C1QTNF3: variants seen among roughly 807,000 people sequenced by gnomAD.
The protein encoded by C1QTNF3 is C1q and TNF related 3.
A neutral mutation model predicts 32.6 loss-of-function variants in C1QTNF3; 26 were observed. The observed-to-expected ratio is 0.80, with a 90% CI of 0.58 to 1.11. The LOEUF is 1.11. Ranked by LOEUF, C1QTNF3 falls within the 50% of genes least tolerant of loss-of-function variation. The pLI, the probability that C1QTNF3 is intolerant of heterozygous loss-of-function variation, is 0.00. For synonymous variants in C1QTNF3, 155 were observed against 146.0 expected, an observed-to-expected ratio of 1.06 and a Z score of -0.44; for missense variants, 362 against 398.2, an observed-to-expected ratio of 0.91 and a Z score of 0.77.
the C1QTNF3 span, among the ~76,000 whole-genome samples, chr5:34,142,847 C>A: frequency 2.0e-5 from 3 of 152,178 alleles, no homozygotes; most frequent in African/African-American, 7.2e-5. Context: ...AGAATCAGCA[C>A]AAGTACTCTG....
At chr5:34,218,014 G>C in the C1QTNF3 span, among the ~76,000 whole-genome samples, 1 of 150,656 alleles carries the variant, frequency 6.6e-6, no homozygotes, top group East Asian at 2.0e-4. Flanking sequence ...CATCAGAAAT[G>C]TACAGTTATG....
the C1QTNF3 span, among the ~76,000 whole-genome samples, chr5:34,171,393 G>C: frequency 6.6e-6 from 1 of 151,294 alleles, no homozygotes; most frequent in Non-Finnish European, 1.5e-5. Context: ...TATAAATTCT[G>C]AATTCCTGAA....
chr5:34,040,968 A>G (rs1233684887), intron 1 of C1QTNF3, among the ~76,000 whole-genome samples: 1 of 152,196 alleles, frequency 6.6e-6, no homozygotes, highest in Non-Finnish European at 1.5e-5. Context: ...ACTTAATTTA[A>G]TTAACAAAAA....
At chr5:34,030,652 A>G (rs1579603485) in intron 3 of C1QTNF3, among the ~76,000 whole-genome samples, 1 of 152,230 alleles carries the variant, frequency 6.6e-6, no homozygotes, top group South Asian at 2.1e-4. Flanking sequence ...TTTTGTCACT[A>G]TTCACAATAG....
chr5:34,207,880 C>T, the C1QTNF3 span, among the ~76,000 whole-genome samples: 1 of 152,180 alleles, frequency 6.6e-6, no homozygotes, highest in Non-Finnish European at 1.5e-5. Context: ...CTCCGCCTCC[C>T]GGGTTCACGC....
At chr5:34,137,015 G>T in the C1QTNF3 span, among the ~76,000 whole-genome samples, 2 of 151,726 alleles carry the variant, frequency 1.3e-5, no homozygotes, top group Non-Finnish European at 2.9e-5. Context: ...GGGCCTGGGG[G>T]AGGGATAGCA....
chr5:34,119,048 A>G, the C1QTNF3 span, among the ~76,000 whole-genome samples: 1 of 152,188 alleles, frequency 6.6e-6, no homozygotes, highest in Non-Finnish European at 1.5e-5. Flanking sequence ...CAAAAAACAA[A>G]ACACAGCAGA....
At chr5:34,051,801 G>C in the C1QTNF3 span, among the ~76,000 whole-genome samples, 1 of 152,188 alleles carries the variant, frequency 6.6e-6, no homozygotes, top group Admixed American at 6.5e-5. Flanking sequence ...AATGGGTGTG[G>C]GTGAGGCAAG....
the C1QTNF3 span, among the ~76,000 whole-genome samples, chr5:34,187,777 G>A: frequency 1.3e-5 from 2 of 152,292 alleles, no homozygotes; most frequent in South Asian, 4.2e-4. Flanking sequence ...GAGCATAAAA[G>A]TTCAGAAAAT....
chr5:34,193,050 C>A, the C1QTNF3 span: 1 of 714,010 alleles, frequency 1.4e-6, no homozygotes, highest in African/African-American at 1.7e-5. Flanking sequence ...CCCTCAGTTC[C>A]TCAAACACAG....
At chr5:34,081,179 C>T in the C1QTNF3 span, among the ~76,000 whole-genome samples, 2 of 151,654 alleles carry the variant, frequency 1.3e-5, no homozygotes, top group Non-Finnish European at 2.9e-5. Context: ...ACAGTAGGCG[C>T]AGTGCCTAAA....
the C1QTNF3 span, among the ~76,000 whole-genome samples, chr5:34,238,059 A>G: frequency 3.9e-5 from 6 of 152,188 alleles, no homozygotes; most frequent in African/African-American, 1.2e-4. Flanking sequence ...GAAACCAAAC[A>G]CAAGAATTAC....
chr5:34,189,075 T>C, the C1QTNF3 span, among the ~76,000 whole-genome samples: 3,120 of 115,674 alleles, frequency 0.027, no homozygotes, highest in Non-Finnish European at 0.042. Context: ...TGACTAAATT[T>C]TGTATTTTTA....
At chr5:34,200,639 A>G in the C1QTNF3 span, 2 of 152,154 alleles carry the variant, frequency 1.3e-5, no homozygotes, top group African/African-American at 4.8e-5. Context: ...AATGTTCAGA[A>G]CAGTATCAGT....
the C1QTNF3 span, among the ~76,000 whole-genome samples, chr5:34,141,353 C>T: frequency 6.6e-6 from 1 of 152,108 alleles, no homozygotes. Context: ...CTCCTGACCT[C>T]GTGATCTGTC....
chr5:34,050,081 G>A, the C1QTNF3 span, among the ~76,000 whole-genome samples: 1 of 152,174 alleles, frequency 6.6e-6, no homozygotes, highest in Non-Finnish European at 1.5e-5. Flanking sequence ...ATAATCCAGT[G>A]ATTCTTGAGA....
chr5:34,085,925 A>G, the C1QTNF3 span, among the ~76,000 whole-genome samples: 5 of 151,284 alleles, frequency 3.3e-5, no homozygotes, highest in African/African-American at 1.2e-4. Flanking sequence ...TTGACCCAGC[A>G]ATCCCATTAC....
intron 4 of C1QTNF3, 48 bp from the exon 5 acceptor site, chr5:34,024,056 T>C (rs751581547): frequency 7.5e-6 from 11 of 1,464,186 alleles, no homozygotes; most frequent in African/African-American, 2.8e-5. Flanking sequence ...ATGTTATACA[T>C]TGAGGACCTG....
the C1QTNF3 span, among the ~76,000 whole-genome samples, chr5:34,061,094 T>A: frequency 6.6e-6 from 1 of 152,082 alleles, no homozygotes; most frequent in African/African-American, 2.4e-5. Flanking sequence ...ATGGGAGAAA[T>A]AGGCCAAAAC....
Sources: gnomAD v4.1 joint callset for allele counts (sites outside exome capture counted in the v4.1 genomes callset) on GRCh38, gnomAD v4.1.1 for gene constraint, MANE v1.5 for transcripts, NCBI Gene and HGNC (gene_info 2026-07-23, HGNC 2026-07-21) for gene names.